The following MAGI3 variants were observed in gnomAD, a reference collection of about 807,000 sequenced individuals.
The protein encoded by MAGI3 is membrane-associated guanylate kinase, WW and PDZ domain-containing protein 3.
MAGI3 carries 43 observed loss-of-function variants against 121.8 expected under a neutral mutation model. The ratio of observed to expected loss-of-function variants is 0.35; its 90% confidence interval spans 0.28 to 0.46. MAGI3 has a LOEUF of 0.46. MAGI3 is among the 20% of genes least tolerant of loss of function. The pLI is 1.00. For synonymous variants in MAGI3, 553 were observed against 639.3 expected, an observed-to-expected ratio of 0.86 and a Z score of 2.04; for missense variants, 1,547 against 1,797.3, an observed-to-expected ratio of 0.86 and a Z score of 2.52.
chr1:113,676,223 C>T (rs1647857992), intron 19 of MAGI3, among the ~76,000 whole-genome samples: 2 of 152,180 alleles, frequency 1.3e-5, no homozygotes, highest in South Asian at 4.1e-4. Flanking sequence ...ATCCACTAAT[C>T]TCAGTAAACC....
At chr1:113,620,641 C>G (rs11589796) in intron 8 of MAGI3, among the ~76,000 whole-genome samples, 3 of 152,162 alleles carry the variant, frequency 2.0e-5, no homozygotes, top group Admixed American at 2.0e-4. Flanking sequence ...CAGTGCTTTG[C>G]TAGGCTCTAG....
At chr1:113,409,132 A>C (rs1570630093) in intron 1 of MAGI3, among the ~76,000 whole-genome samples, 1 of 152,000 alleles carries the variant, frequency 6.6e-6, no homozygotes, top group African/African-American at 2.4e-5. Flanking sequence ...GAAAGTTTCA[A>C]GAGGAACACA....
chr1:113,517,509 G>C (rs961875842), intron 1 of MAGI3, among the ~76,000 whole-genome samples: 1 of 151,932 alleles, frequency 6.6e-6, no homozygotes, highest in African/African-American at 2.4e-5. Flanking sequence ...AGGATACCTA[G>C]TAGGCACAAA....
intron 2 of MAGI3, among the ~76,000 whole-genome samples, chr1:113,561,478 C>T (rs1038253148): frequency 1.3e-5 from 2 of 152,122 alleles, no homozygotes; most frequent in Non-Finnish European, 2.9e-5. Context: ...AATCAATAAA[C>T]GTAATTCACC....
At chr1:113,481,960 T>C (rs891754418) in intron 1 of MAGI3, among the ~76,000 whole-genome samples, 1 of 140,306 alleles carries the variant, frequency 7.1e-6, no homozygotes, top group African/African-American at 3.1e-5. Context: ...TCATTCTCTC[T>C]TTTTTTTTTC....
intron 9 of MAGI3, among the ~76,000 whole-genome samples, chr1:113,632,105 TA>T (rs1651672343): frequency 6.6e-6 from 1 of 152,252 alleles, no homozygotes; most frequent in Admixed American, 6.5e-5. Context: ...TCTCTCATAT[TA>T]TGCTTTCCCA....
intron 19 of MAGI3, among the ~76,000 whole-genome samples, chr1:113,680,751 C>T (rs1648170919): frequency 6.6e-6 from 1 of 151,852 alleles, no homozygotes; most frequent in South Asian, 2.1e-4. Context: ...AGCAAGACTC[C>T]GTCTCAAAAA....
chr1:113,642,276 C>T lies in MAGI3; in HGVS notation c.1726C>T (p.Leu576=), dbSNP rs1652587645. 6.2e-7 allele frequency: 1 copy of T among 1,614,056 alleles called. No individual in the cohort carries two copies. ...ATCGTCAGGCAGCTCCCAGCCTGAA[C>T]TAGTGACTATCCCTTTGATTAAGGG... ...MASSGSSQPE[L]VTIPLIKGPK... is the part of the protein sequence containing the mutation. The change falls in exon 10 of 21, where the codon CTA becomes TTA. Residue 576 remains leucine (L), a synonymous_variant. Transcript: ENST00000307546.
intron 6 of MAGI3, among the ~76,000 whole-genome samples, chr1:113,610,523 G>A (rs1650056164): frequency 6.6e-6 from 1 of 151,934 alleles, no homozygotes; most frequent in Non-Finnish European, 1.5e-5. Context: ...TTATTTATCT[G>A]TACCAGGATG....
intron 6 of MAGI3, among the ~76,000 whole-genome samples, chr1:113,601,793 T>A: frequency 7.0e-6 from 1 of 143,848 alleles, no homozygotes; most frequent in Non-Finnish European, 1.5e-5. Flanking sequence ...TGTGGCACTA[T>A]TCACAATAGC....
intron 9 of MAGI3, among the ~76,000 whole-genome samples, chr1:113,636,810 C>G (rs1174654750): frequency 6.6e-6 from 1 of 151,782 alleles, no homozygotes; most frequent in African/African-American, 2.4e-5. Flanking sequence ...GTTGATCTGT[C>G]TAATGTTGAC....
intron 12 of MAGI3, among the ~76,000 whole-genome samples, chr1:113,647,151 A>AG (rs1652895709): frequency 2.6e-5 from 4 of 152,200 alleles, no homozygotes; most frequent in Non-Finnish European, 5.9e-5. Flanking sequence ...AGGAAGATAA[A>AG]AGGGAAAGAT....
intron 1 of MAGI3, among the ~76,000 whole-genome samples, chr1:113,411,894 C>T (rs1241187783): frequency 6.6e-6 from 1 of 151,868 alleles, no homozygotes; most frequent in East Asian, 1.9e-4. Context: ...TTTTATTATA[C>T]GTTAAGTTCT....
rs1165425249 is a variant in MAGI3, at chr1:113,685,804, A to C, written c.*1790A>C. 6.6e-6 allele frequency: 1 copy of C among 152,308 alleles called. No individual in the cohort carries two copies. Among genetic ancestry groups the C allele is most frequent in the African/African-American group, 2.4e-5 (1 of 41,428 alleles). 9.4% of individuals were successfully genotyped at this position (152,308 alleles called of 1,614,324 possible). On this transcript the variant is annotated 3_prime_UTR_variant, in exon 21 of 21. Transcript: ENST00000307546. ...CCTTGGAATGCTGAGCAAAATGTGG[A>C]TGTACTGGTTGTAAATGTTTATATA...
intron 2 of MAGI3, among the ~76,000 whole-genome samples, chr1:113,552,001 C>T (rs149752366): frequency 5.1e-4 from 78 of 152,068 alleles, no homozygotes; most frequent in African/African-American, 1.1e-3. Flanking sequence ...TTTATTCCTA[C>T]GAAATATAAG....
chr1:113,449,751 G>A (rs1654384988), intron 1 of MAGI3: 2 of 987,806 alleles, frequency 2.0e-6, no homozygotes, highest in Admixed American at 1.7e-5. Context: ...ACTGTTTATT[G>A]GTGGTCTGAG....
intron 6 of MAGI3, among the ~76,000 whole-genome samples, chr1:113,608,693 A>G (rs1027117939): frequency 1.3e-5 from 2 of 152,152 alleles, no homozygotes; most frequent in Non-Finnish European, 2.9e-5. Flanking sequence ...GTCAGATAAG[A>G]CATTCTTTCT....
chr1:113,671,995 G>C (rs1571030524), intron 17 of MAGI3, among the ~76,000 whole-genome samples, 159 bp downstream of exon 17: 1 of 152,064 alleles, frequency 6.6e-6, no homozygotes, highest in Admixed American at 6.5e-5. Context: ...CTCAAATACC[G>C]TCCCCATCAC....
chr1:113,471,360 C>T (rs893667740), intron 1 of MAGI3, among the ~76,000 whole-genome samples: 1 of 152,114 alleles, frequency 6.6e-6, no homozygotes, highest in East Asian at 1.9e-4. Context: ...AAACAACATA[C>T]TCCTGAACAA....
Sources: gnomAD v4.1 joint callset for allele counts (sites outside exome capture counted in the v4.1 genomes callset) on GRCh38, gnomAD v4.1.1 for gene constraint, MANE v1.5 for transcripts, NCBI Gene and HGNC (gene_info 2026-07-23, HGNC 2026-07-21) for gene names.